The following IGSF11 variants were observed in gnomAD, a reference collection of about 807,000 sequenced individuals.
The protein encoded by IGSF11 is CXADR like 1.
Under a neutral mutation model 41.0 loss-of-function variants are expected in IGSF11, and 22 were observed. The ratio of observed to expected loss-of-function variants is 0.54; its 90% confidence interval spans 0.38 to 0.77. The LOEUF (loss-of-function observed/expected upper bound fraction) is 0.77. Ranked by LOEUF, IGSF11 falls within the 30% of genes least tolerant of loss-of-function variation. The probability of loss-of-function intolerance (pLI) is 0.00; values close to 1 mark genes in which losing one functional copy is unlikely to be tolerated. For synonymous variants in IGSF11, 219 were observed against 201.3 expected, an observed-to-expected ratio of 1.09 and a Z score of -0.74; for missense variants, 444 against 530.8, an observed-to-expected ratio of 0.84 and a Z score of 1.61.
At chr3:119,117,537 TCCCACGACACA>T in intron 1 of IGSF11, among the ~76,000 whole-genome samples, 1 of 152,214 alleles carries the variant, frequency 6.6e-6, no homozygotes, top group Non-Finnish European at 1.5e-5. Context: ...ACCAGGTCCC[TCCCACGACACA>T]TGGAAATTCA....
At chr3:118,988,811 G>A (rs1468708919) in intron 1 of IGSF11, among the ~76,000 whole-genome samples, 1 of 152,160 alleles carries the variant, frequency 6.6e-6, no homozygotes, top group Non-Finnish European at 1.5e-5. Context: ...TATCACTTGT[G>A]CTAATAATAT....
chr3:118,905,762 T>G, intron 4 of IGSF11, 44 bp from the exon 5 acceptor site: 2 of 1,607,680 alleles, frequency 1.2e-6, no homozygotes, highest in Non-Finnish European at 1.7e-6. Context: ...GCGGGACTAA[T>G]AGCAAAACCA....
intron 4 of IGSF11, among the ~76,000 whole-genome samples, chr3:118,921,481 A>G (rs1941793120): frequency 2.0e-5 from 3 of 152,188 alleles, no homozygotes; most frequent in African/African-American, 7.2e-5. Flanking sequence ...TTCATAAGAG[A>G]ATAATGATGG....
At chr3:119,138,555 C>T (rs1017460865) in intron 1 of IGSF11, among the ~76,000 whole-genome samples, 2 of 152,146 alleles carry the variant, frequency 1.3e-5, no homozygotes, top group African/African-American at 4.8e-5. Context: ...CATGGTGGCA[C>T]ATGCCTGTAA....
Position 118,904,712 on chromosome 3 carries a change from C to A in IGSF11, c.790G>T (p.Ala264Ser), listed in dbSNP as rs143207671. Residue 264 changes from alanine (A) to serine (S), a missense_variant, in exon 6 of 7, where the codon GCA becomes TCA. Coordinates refer to ENST00000393775, the MANE Select transcript of IGSF11 (RefSeq NM_001015887.3). ...TTTTTGCTTCTCCAGTAAAAGAATG[C>A]CCCTAAAATTAGTGCAATGCAAAAA... Reference protein sequence around the residue: ...IIFCIALILGAFFYWRSKNKE... With the variant: ...IIFCIALILGSFFYWRSKNKE... 5.0e-6 allele frequency: 8 copies of A among 1,612,378 alleles called. No homozygotes were observed. The highest frequency in any genetic ancestry group is 4.5e-5 in the East Asian group (2 of 44,854).
At chr3:119,042,420 A>G (rs1941152873) in intron 1 of IGSF11, among the ~76,000 whole-genome samples, 1 of 152,162 alleles carries the variant, frequency 6.6e-6, no homozygotes, top group Admixed American at 6.5e-5. Flanking sequence ...TAAACTCAAT[A>G]TGGTTGCTGG....
At chr3:118,912,703 C>A (rs529437156) in intron 4 of IGSF11, among the ~76,000 whole-genome samples, 1 of 152,228 alleles carries the variant, frequency 6.6e-6, no homozygotes, top group South Asian at 2.1e-4. Context: ...GTTAACTACA[C>A]AACAAACAGG....
At chr3:119,057,274 G>T (rs1249036101) in intron 1 of IGSF11, among the ~76,000 whole-genome samples, 3 of 152,148 alleles carry the variant, frequency 2.0e-5, no homozygotes, top group Admixed American at 6.6e-5. Flanking sequence ...CTTCAGCAAA[G>T]TCTCAGATAC....
upstream of IGSF11, chr3:119,034,914 T>C: frequency 1.0e-6 from 1 of 961,596 alleles, no homozygotes; most frequent in Non-Finnish European, 1.3e-6. Context: ...CAGCCGCAGC[T>C]CGGCTCCTCG....
chr3:118,926,895 A>C (rs1446650055), intron 3 of IGSF11, among the ~76,000 whole-genome samples: 1 of 152,152 alleles, frequency 6.6e-6, no homozygotes, highest in Non-Finnish European at 1.5e-5. Context: ...AGTAACAAGG[A>C]AAAAAACAAA....
At chr3:119,007,357 A>G (rs962634121) in intron 1 of IGSF11, among the ~76,000 whole-genome samples, 9 of 143,230 alleles carry the variant, frequency 6.3e-5, no homozygotes, top group Non-Finnish European at 1.0e-4. Context: ...GCCTGCGCCC[A>G]CTGTCTGGCA....
intron 1 of IGSF11, among the ~76,000 whole-genome samples, chr3:119,005,046 C>T (rs28873147): frequency 0.37 from 50,598 of 137,644 alleles, 12,653 homozygotes; most frequent in African/African-American, 0.68. Flanking sequence ...TTGATCTGTC[C>T]AATGTTGACA....
At chr3:119,087,183 G>T (rs1559859816) in intron 1 of IGSF11, among the ~76,000 whole-genome samples, 1 of 152,084 alleles carries the variant, frequency 6.6e-6, no homozygotes, top group Non-Finnish European at 1.5e-5. Flanking sequence ...ATTCCTTACA[G>T]AACTAAAAGT....
chr3:119,138,409 A>G (rs1406786406), intron 1 of IGSF11, among the ~76,000 whole-genome samples: 4 of 152,162 alleles, frequency 2.6e-5, no homozygotes, highest in Admixed American at 2.0e-4. Flanking sequence ...ATGGGGCCAG[A>G]TGCAGTGGTT....
intron 1 of IGSF11, among the ~76,000 whole-genome samples, chr3:119,099,050 A>C (rs1275137082): frequency 2.6e-5 from 4 of 152,224 alleles, no homozygotes; most frequent in Non-Finnish European, 4.4e-5. Flanking sequence ...AATTATAACA[A>C]ATTGCAAAAT....
intron 1 of IGSF11, among the ~76,000 whole-genome samples, chr3:119,025,994 G>C (rs1403820732): frequency 1.3e-5 from 2 of 152,082 alleles, no homozygotes; most frequent in Non-Finnish European, 2.9e-5. Context: ...TATTAGGCTG[G>C]GCATGGTGGC....
chr3:118,989,741 T>C (rs1935611471), intron 1 of IGSF11, among the ~76,000 whole-genome samples: 1 of 152,206 alleles, frequency 6.6e-6, no homozygotes, highest in African/African-American at 2.4e-5. Flanking sequence ...ACACTTCATT[T>C]TTCTAGTATT....
At chr3:118,910,586 T>A (rs77878307) in intron 4 of IGSF11, among the ~76,000 whole-genome samples, 6 of 152,196 alleles carry the variant, frequency 3.9e-5, no homozygotes, top group African/African-American at 1.2e-4. Flanking sequence ...AAAATGCGTA[T>A]CTGGTGATCT....
intron 1 of IGSF11, among the ~76,000 whole-genome samples, chr3:118,998,385 C>G (rs1040634812): frequency 6.6e-5 from 10 of 151,866 alleles, no homozygotes; most frequent in Non-Finnish European, 1.5e-5. Flanking sequence ...AACTTCAACT[C>G]AAGATGACTT....
Sources: allele counts gnomAD v4.1 joint callset (sites outside exome capture counted in the v4.1 genomes callset), GRCh38; gene constraint gnomAD v4.1.1; transcripts MANE v1.5; gene names NCBI Gene and HGNC (gene_info 2026-07-23, HGNC 2026-07-21).